SEC63: variants seen among roughly 807,000 people sequenced by gnomAD.
The protein encoded by SEC63 is translocation protein SEC63 homolog.
In SEC63, 56 loss-of-function variants were observed where a neutral mutation model predicts 116.2. The ratio of observed to expected loss-of-function variants is 0.48; its 90% confidence interval spans 0.39 to 0.60. The LOEUF (loss-of-function observed/expected upper bound fraction) is 0.60, where lower values mean the gene tolerates loss of function less well. Among genes scored for constraint, SEC63 ranks in the 20% least tolerant of loss-of-function variants. The probability of loss-of-function intolerance (pLI) is 0.00; values close to 1 mark genes in which losing one functional copy is unlikely to be tolerated. For synonymous variants in SEC63, 273 were observed against 294.6 expected (o/e 0.93, Z 0.75); for missense variants, 668 against 900.0 (o/e 0.74, Z 3.30).
intron 4 of SEC63, among the ~76,000 whole-genome samples, chr6:107,920,318 C>G (rs560651632): frequency 6.8e-6 from 1 of 147,016 alleles, no homozygotes; most frequent in African/African-American, 2.5e-5. Context: ...CCCAGCTATT[C>G]GGGAGACTGA....
At chr6:107,928,001 T>TG (rs370649373) in intron 2 of SEC63, among the ~76,000 whole-genome samples, 49 of 152,170 alleles carry the variant, frequency 3.2e-4, no homozygotes, top group African/African-American at 7.0e-4. Context: ...CCCGCAGATA[T>TG]GGGGGGGAGG....
At chr6:107,922,397 T>C (rs577279327) in intron 3 of SEC63, among the ~76,000 whole-genome samples, 1 of 152,266 alleles carries the variant, frequency 6.6e-6, no homozygotes, top group African/African-American at 2.4e-5. Context: ...TCCCAGCTAC[T>C]TGGGAAGGTG....
intron 13 of SEC63, among the ~76,000 whole-genome samples, chr6:107,898,345 C>T (rs1297428373): frequency 5.3e-5 from 8 of 151,914 alleles, no homozygotes; most frequent in African/African-American, 1.9e-4. Flanking sequence ...AAGCTTCAAA[C>T]CCAGGTTTCT....
intron 1 of SEC63, among the ~76,000 whole-genome samples, chr6:107,945,314 T>C (rs1468357535): frequency 1.3e-5 from 2 of 151,382 alleles, no homozygotes; most frequent in African/African-American, 4.8e-5. Context: ...TCTTTTTTTT[T>C]TTTTTGTTTT....
At chr6:107,871,962 T>A in intron 20 of SEC63, 115 bp from the exon 21 acceptor site, 1 of 1,006,510 alleles carries the variant, frequency 9.9e-7, no homozygotes, top group Non-Finnish European at 1.5e-6. Flanking sequence ...TAGTTTTTTA[T>A]GGACACAATT....
Position 107,940,900 on chromosome 6 carries a change from C to A in SEC63, c.125-11386G>T, listed in dbSNP as rs553722903. Among the ~76,000 whole-genome samples the A allele has an allele frequency of 5.3e-5, 8 of 151,822 alleles. No individual in the cohort carries two copies. In the South Asian group the frequency reaches 1.5e-3, roughly 28 times the overall value. On this transcript the variant is annotated intron_variant, in intron 1 of 20. Transcript: ENST00000369002. ...GGAAGCTTCATTATTAATTTACTAACCACCCTGTTAGCTCTGTCCTCCTAT... is the reference window on the plus strand; with the variant it reads ...GGAAGCTTCATTATTAATTTACTAAACACCCTGTTAGCTCTGTCCTCCTAT...
At chr6:107,895,614 T>C (rs1201420655) in intron 14 of SEC63, among the ~76,000 whole-genome samples, 1 of 152,130 alleles carries the variant, frequency 6.6e-6, no homozygotes, top group African/African-American at 2.4e-5. Context: ...GTGGCATGTA[T>C]TTCTTGCAGA....
intron 11 of SEC63, among the ~76,000 whole-genome samples, chr6:107,903,276 T>A (rs764006675): frequency 1.3e-5 from 2 of 152,086 alleles, no homozygotes; most frequent in African/African-American, 4.8e-5. Context: ...ATCACCAACA[T>A]ATGACACCAT....
intron 1 of SEC63, among the ~76,000 whole-genome samples, chr6:107,943,405 T>G (rs1050467812): frequency 6.6e-6 from 1 of 152,232 alleles, no homozygotes; most frequent in Non-Finnish European, 1.5e-5. Flanking sequence ...TTTTATGCAT[T>G]TATAACATAC....
At chr6:107,945,264 A>T (rs978303966) in intron 1 of SEC63, among the ~76,000 whole-genome samples, 1 of 152,026 alleles carries the variant, frequency 6.6e-6, no homozygotes, top group Non-Finnish European at 1.5e-5. Flanking sequence ...ACTCCTACTG[A>T]CATAAACAGA....
At chr6:107,894,001 C>G in intron 14 of SEC63, 104 bp from the exon 15 acceptor site, 1 of 1,228,818 alleles carries the variant, frequency 8.1e-7, no homozygotes, top group Non-Finnish European at 1.2e-6. Context: ...GTATTTTTAA[C>G]TGGCTACAAT....
At position 107,931,620 on chromosome 6, in the gene SEC63, G is replaced by T. The variant is rs560786768; in HGVS notation, c.125-2106C>A. Among the ~76,000 whole-genome samples, 8 of 151,542 alleles carry T rather than the reference G, an allele frequency of 5.3e-5. 1 individual carries two copies. Among genetic ancestry groups the T allele is most frequent in the African/African-American group, 1.9e-4 (8 of 41,218 alleles). ...AATAATTAGCCAGGCGTGGTGGCACGTGCCTGTAGTCCCAGCTACTCGGGA... is the reference window on the plus strand; with the variant it reads ...AATAATTAGCCAGGCGTGGTGGCACTTGCCTGTAGTCCCAGCTACTCGGGA... On this transcript the variant is annotated intron_variant, in intron 1 of 20. Coordinates refer to ENST00000369002, the MANE Select transcript of SEC63 (RefSeq NM_007214.5).
intron 2 of SEC63, among the ~76,000 whole-genome samples, chr6:107,927,803 T>C (rs1437098381): frequency 1.3e-5 from 2 of 152,232 alleles, no homozygotes; most frequent in Non-Finnish European, 2.9e-5. Context: ...GCATATAACC[T>C]ATATACATCC....
chr6:107,917,392 T>C (rs1787430478), intron 4 of SEC63, among the ~76,000 whole-genome samples: 1 of 151,894 alleles, frequency 6.6e-6, no homozygotes, highest in Non-Finnish European at 1.5e-5. Context: ...TGTCTTTAAT[T>C]CCTCTAGGGC....
intron 1 of SEC63, among the ~76,000 whole-genome samples, chr6:107,936,382 T>G (rs1035675465): frequency 6.6e-6 from 1 of 152,246 alleles, no homozygotes; most frequent in Non-Finnish European, 1.5e-5. Context: ...TCTGTATGAA[T>G]GACCTCAAGT....
chr6:107,908,863 T>C, intron 8 of SEC63, 64 bp downstream of exon 8: 2 of 857,632 alleles, frequency 2.3e-6, no homozygotes, highest in South Asian at 1.4e-5. Flanking sequence ...AAGGAATATA[T>C]ATCAACCCCA....
chr6:107,910,106 C>CA lies in SEC63; in HGVS notation c.625-1072dup, dbSNP rs1171187741. ...TTTAAAGAAAAAACACCCAACTTCC[C>CA]AATGATTCCTAAATAAATGAAGTTG... On this transcript the variant is annotated intron_variant, in intron 7 of 20. Transcript: ENST00000369002. Among the ~76,000 whole-genome samples, 4 of 152,114 alleles carry CA rather than the reference C, an allele frequency of 2.6e-5. No homozygotes were observed. The East Asian group carries it at 7.7e-4, about 29-fold the overall frequency.
intron 1 of SEC63, chr6:107,957,168 C>T (rs1279445905): frequency 6.6e-6 from 1 of 152,170 alleles, no homozygotes; most frequent in Non-Finnish European, 1.5e-5. Context: ...TAAATCGACC[C>T]ACTACCTCAA....
At chr6:107,922,749 T>C (rs1265361454) in intron 3 of SEC63, among the ~76,000 whole-genome samples, 2 of 152,212 alleles carry the variant, frequency 1.3e-5, no homozygotes, top group South Asian at 2.1e-4. Context: ...CTATGATCAA[T>C]GCAATAAGAA....
Sources: allele counts gnomAD v4.1 joint callset (sites outside exome capture counted in the v4.1 genomes callset), GRCh38; gene constraint gnomAD v4.1.1; transcripts MANE v1.5; gene names NCBI Gene and HGNC (gene_info 2026-07-23, HGNC 2026-07-21).